The following IQGAP1 variants were observed in gnomAD, a reference collection of about 807,000 sequenced individuals.
The protein encoded by IQGAP1 is ras GTPase-activating-like protein IQGAP1.
Under a neutral mutation model 215.6 loss-of-function variants are expected in IQGAP1, and 66 were observed. The observed-to-expected ratio is 0.31, with a 90% CI of 0.25 to 0.38. The LOEUF (loss-of-function observed/expected upper bound fraction) is 0.38. IQGAP1 is among the 10% of genes least tolerant of loss of function. The probability of loss-of-function intolerance (pLI) is 1.00; values close to 1 mark genes in which losing one functional copy is unlikely to be tolerated. For missense variants in IQGAP1, 1,712 were observed against 1,997.1 expected (o/e 0.86, Z 2.72); for synonymous variants, 772 against 728.7 (o/e 1.06, Z -0.96).
chr15:90,490,009 T>C (rs1314673349), intron 33 of IQGAP1, among the ~76,000 whole-genome samples: 1 of 152,204 alleles, frequency 6.6e-6, no homozygotes, highest in African/African-American at 2.4e-5. Flanking sequence ...TCTGTCTGCC[T>C]CCAAAGCTTA....
intron 2 of IQGAP1, among the ~76,000 whole-genome samples, chr15:90,393,161 T>G (rs1002486420): frequency 8.0e-6 from 1 of 125,626 alleles, no homozygotes; most frequent in Non-Finnish European, 1.6e-5. Context: ...TGTGGTTCAG[T>G]AGGTCGGGGT....
chr15:90,388,253 G>A lies in IQGAP1; in HGVS notation c.-89G>A. On this transcript the variant is annotated 5_prime_UTR_variant, in exon 1 of 38. Transcript: ENST00000268182. ...GGCGGGGCCTCGGGGACCCCGGCAAGCCCGCGCACTTGGCAGGAGCTGTAG... is the reference window on the plus strand; with the variant it reads ...GGCGGGGCCTCGGGGACCCCGGCAAACCCGCGCACTTGGCAGGAGCTGTAG... The A allele has an allele frequency of 6.8e-7, 1 of 1,459,892 alleles. No individual in the cohort carries two copies. The allele number at this position is 1,459,892 out of a possible 1,614,324, so 90.4% of individuals were successfully genotyped here.
intron 26 of IQGAP1, among the ~76,000 whole-genome samples, chr15:90,480,311 C>T (rs530831112): frequency 1.3e-5 from 2 of 151,812 alleles, no homozygotes; most frequent in Non-Finnish European, 2.9e-5. Flanking sequence ...GGGATCTGTC[C>T]TGCAGGTAAG....
intron 28 of IQGAP1, among the ~76,000 whole-genome samples, chr15:90,482,528 CT>C (rs1966073599): frequency 6.6e-6 from 1 of 152,188 alleles, no homozygotes; most frequent in Non-Finnish European, 1.5e-5. Flanking sequence ...AGATGAGTTT[CT>C]TTGAGTCCTA....
At chr15:90,428,525 TCCCA>T (rs1043787082) in intron 3 of IQGAP1, among the ~76,000 whole-genome samples, 3 of 151,776 alleles carry the variant, frequency 2.0e-5, no homozygotes, top group Non-Finnish European at 4.4e-5. Context: ...ATGCCTGTAA[TCCCA>T]GCACTTTGGG....
chr15:90,398,704 A>G (rs933797910), intron 2 of IQGAP1, among the ~76,000 whole-genome samples: 6 of 152,116 alleles, frequency 3.9e-5, no homozygotes, highest in Non-Finnish European at 8.8e-5. Context: ...ATATTACAAT[A>G]AAGTATTAAG....
In IQGAP1 at chr15:90,494,539, T is replaced by G. The variant is rs915381209; in HGVS notation, c.4629-174T>G. On this transcript the variant is annotated intron_variant, in intron 35 of 37. Transcript: ENST00000268182. ...GCAATTTAGTAATATTTCCCCTGTT[T>G]TGCAGAGATATTGCTTAGGCTAATT... 2.3e-5 allele frequency: 10 copies of G among 429,898 alleles called. No homozygotes were observed. The East Asian group carries it at 4.1e-4, about 17-fold the overall frequency. The allele number at this position is 429,898 out of a possible 1,614,324, so 26.6% of individuals were successfully genotyped here. A position where few individuals can be genotyped will look rare whatever the true frequency, so the allele number is the denominator to read the frequency against.
intron 2 of IQGAP1, among the ~76,000 whole-genome samples, chr15:90,396,215 A>G (rs1209312676): frequency 1.3e-5 from 2 of 152,228 alleles, no homozygotes; most frequent in Non-Finnish European, 2.9e-5. Context: ...TGGGCTCTTC[A>G]GATCTCCTCT....
chr15:90,449,279 G>A (rs1361240510), intron 10 of IQGAP1, among the ~76,000 whole-genome samples: 1 of 152,052 alleles, frequency 6.6e-6, no homozygotes, highest in African/African-American at 2.4e-5. Context: ...TAGCATTAAC[G>A]TGCTTAAGAT....
rs1483451862 is a variant in IQGAP1, at chr15:90,500,408, G to A, written c.*300G>A. 1 of 287,514 alleles carries A rather than the reference G, an allele frequency of 3.5e-6. No homozygotes were observed. Among genetic ancestry groups the A allele is most frequent in the East Asian group, 6.7e-5 (1 of 14,910 alleles). The allele number at this position is 287,514 out of a possible 1,614,324, so 17.8% of individuals were successfully genotyped here. On this transcript the variant is annotated 3_prime_UTR_variant, in exon 38 of 38. Transcript: ENST00000268182. The stretch of plus-strand genomic sequence containing the variant: ...TCTCTGTGTTGTTACAGTCTTAGAG[G>A]TTGCAGTACTATATTGTAAGCTTTG...
At chr15:90,487,206 T>C in intron 32 of IQGAP1, 117 bp downstream of exon 32, 2 of 987,442 alleles carry the variant, frequency 2.0e-6, no homozygotes, top group Non-Finnish European at 3.1e-6. Context: ...GTACTTGTCA[T>C]AATCCCAGTC....
In IQGAP1 at chr15:90,492,653, G is replaced by A; in HGVS notation, c.4570G>A (p.Val1524Met). The A allele has an allele frequency of 6.2e-7, 1 of 1,614,080 alleles. No individual in the cohort carries two copies. The highest frequency in any genetic ancestry group is 8.5e-7 in the Non-Finnish European group (1 of 1,179,972). ...TAAGGCCACCTTTTATGGGGAGCAGGTGGATTACTATAAAAGCTATATCAA... is the reference window on the plus strand; with the variant it reads ...TAAGGCCACCTTTTATGGGGAGCAGATGGATTACTATAAAAGCTATATCAA... Reference protein sequence around the residue: ...NSKATFYGEQVDYYKSYIKTC... With the variant: ...NSKATFYGEQMDYYKSYIKTC... Residue 1524 changes from valine to methionine, a missense_variant, in exon 35 of 38, where the codon GTG (valine) becomes ATG (methionine). By Grantham distance (21) the Val-to-Met change is conservative. Around this residue, in one of 2 missense-constraint regions of IQGAP1, gnomAD observed 691 missense variants for 923.0 expected, o/e 0.75. Transcript: ENST00000268182.
In IQGAP1 at chr15:90,487,591, T is replaced by C; in HGVS notation, c.4248+9T>C. ...CAGCCACCAGTGAACAGGTAAAATT[T>C]AGGGTCTAACATACTCCTTTGTTTG... On this transcript the variant is annotated intron_variant, in intron 33 of 37. Coordinates refer to ENST00000268182, the MANE Select transcript of IQGAP1 (RefSeq NM_003870.4). 20 of 1,593,828 alleles carry C rather than the reference T, an allele frequency of 1.3e-5. No individual in the cohort carries two copies. The highest frequency in any genetic ancestry group is 1.7e-5 in the Non-Finnish European group (20 of 1,161,716).
chr15:90,393,415 T>C (rs994837978), intron 2 of IQGAP1: 3 of 151,872 alleles, frequency 2.0e-5, no homozygotes, highest in Non-Finnish European at 4.4e-5. Flanking sequence ...AAATGCTACA[T>C]AAATAGTTGT....
chr15:90,489,070 G>T (rs901528688), intron 33 of IQGAP1, among the ~76,000 whole-genome samples: 1 of 151,834 alleles, frequency 6.6e-6, no homozygotes, highest in Non-Finnish European at 1.5e-5. Flanking sequence ...CAGATGGTTG[G>T]GTCCTGGCAT....
At chr15:90,492,758 G>A in intron 35 of IQGAP1, 47 bp downstream of exon 35, 1 of 1,507,272 alleles carries the variant, frequency 6.6e-7, no homozygotes, top group Non-Finnish European at 9.0e-7. Flanking sequence ...ATTAGAGTGA[G>A]GAAAAAGCAG....
chr15:90,407,319 T>C (rs1460819646), intron 2 of IQGAP1, among the ~76,000 whole-genome samples: 1 of 152,202 alleles, frequency 6.6e-6, no homozygotes, highest in Non-Finnish European at 1.5e-5. Flanking sequence ...AGAAGAAATA[T>C]AAAATCAGAA....
chr15:90,395,476 A>G (rs1420954938), intron 2 of IQGAP1, among the ~76,000 whole-genome samples: 1 of 151,900 alleles, frequency 6.6e-6, no homozygotes, highest in Non-Finnish European at 1.5e-5. Context: ...GCCCACCACC[A>G]CGCCTGGCTA....
At chr15:90,400,440 CTT>C (rs1257210898) in intron 2 of IQGAP1, among the ~76,000 whole-genome samples, 1 of 152,090 alleles carries the variant, frequency 6.6e-6, no homozygotes, top group Non-Finnish European at 1.5e-5. Context: ...TAAATGATCT[CTT>C]TTTAGTTCAT....
Sources: allele counts gnomAD v4.1 joint callset (sites outside exome capture counted in the v4.1 genomes callset), GRCh38; gene constraint gnomAD v4.1.1; regional missense constraint gnomAD v4.1.1; transcripts MANE v1.5; gene names NCBI Gene and HGNC (gene_info 2026-07-23, HGNC 2026-07-21).